Variants in TDRD5 observed in about 807,000 individuals in gnomAD.
TDRD5 encodes the protein tudor domain containing 5, also known as tudor domain-containing protein 5.
TDRD5 carries 41 observed loss-of-function variants against 120.6 expected under a neutral mutation model. That is an observed-to-expected ratio of 0.34 (90% confidence interval 0.26 to 0.44). The LOEUF is 0.44. TDRD5 is among the 20% of genes least tolerant of loss of function. The probability of loss-of-function intolerance (pLI) is 1.00; values close to 1 mark genes in which losing one functional copy is unlikely to be tolerated. For synonymous variants in TDRD5, 430 were observed against 433.7 expected (o/e 0.99, Z 0.11); for missense variants, 1,006 against 1,221.2 (o/e 0.82, Z 2.63).
chr1:179,634,605 T>C lies in TDRD5; in HGVS notation c.1275T>C (p.Asn425=). 1.2e-6 allele frequency: 2 copies of C among 1,613,298 alleles called. No homozygotes were observed. Among genetic ancestry groups the C allele is most frequent in the Non-Finnish European group, 1.7e-6 (2 of 1,179,792 alleles). Residue 425 remains asparagine (N), a synonymous_variant, in exon 8 of 18, where the codon AAT becomes AAC. Transcript: ENST00000444136. ...AACAGAAGATTTGCAAGAAGCCTAA[T>C]CTGGTGGTAAAGCCTTTACAGCTGG... ...EPQQKICKKP[N]LVVKPLQLQV... is the part of the protein sequence containing the mutation.
chr1:179,633,996 C>G (rs144150001), intron 7 of TDRD5, among the ~76,000 whole-genome samples: 1 of 151,654 alleles, frequency 6.6e-6, no homozygotes, highest in Admixed American at 6.6e-5. Flanking sequence ...ACAGTGAAAC[C>G]CTGTCTCTAC....
intron 16 of TDRD5, among the ~76,000 whole-genome samples, 154 bp from the exon 17 acceptor site, chr1:179,669,040 G>A (rs1022226146): frequency 4.6e-5 from 7 of 151,826 alleles, no homozygotes; most frequent in African/African-American, 7.3e-5. Flanking sequence ...CACCGCGCCC[G>A]GCTGAGAGTA....
chr1:179,602,727 T>C (rs150816167), intron 4 of TDRD5, among the ~76,000 whole-genome samples: 5,236 of 152,316 alleles, frequency 0.034, 115 homozygotes, highest in South Asian at 0.067. Context: ...TTCTGTTCCA[T>C]TGGTCTATGT....
chr1:179,669,764 T>C lies in TDRD5; in HGVS notation c.2860+360T>C, dbSNP rs375887254. On this transcript the variant is annotated intron_variant, in intron 17 of 17. Coordinates refer to ENST00000444136, the MANE Select transcript of TDRD5 (RefSeq NM_001199085.3). The stretch of plus-strand genomic sequence containing the variant: ...GCCTGAAAAGTTTCCTTGTGCCCCT[T>C]TGCAGTCAGTCCCATTGCCTACTTG... Among the ~76,000 whole-genome samples, 5 of 152,204 alleles carry C rather than the reference T, an allele frequency of 3.3e-5. No individual in the cohort carries two copies. The East Asian group carries it at 5.8e-4, about 18-fold the overall frequency.
chr1:179,617,521 G>A (rs370509402), intron 4 of TDRD5, among the ~76,000 whole-genome samples: 1 of 152,040 alleles, frequency 6.6e-6, no homozygotes, highest in East Asian at 1.9e-4. Flanking sequence ...AGAGAAGAAA[G>A]ACCAAAAGAA....
At chr1:179,628,633 G>A (rs993224072) in intron 6 of TDRD5, among the ~76,000 whole-genome samples, 7 of 151,746 alleles carry the variant, frequency 4.6e-5, no homozygotes, top group Admixed American at 6.6e-5. Flanking sequence ...GTTCATAGTT[G>A]GGAGCCAATA....
chr1:179,676,406 T>A (rs145879625), intron 17 of TDRD5, among the ~76,000 whole-genome samples: 1 of 152,212 alleles, frequency 6.6e-6, no homozygotes, highest in African/African-American at 2.4e-5. Context: ...ATTTGTTGCC[T>A]GAATACCTTG....
intron 17 of TDRD5, among the ~76,000 whole-genome samples, chr1:179,686,570 G>A (rs1055861501): frequency 1.3e-5 from 2 of 152,194 alleles, no homozygotes; most frequent in African/African-American, 4.8e-5. Context: ...ATGAGTTGGG[G>A]AGGATTCCCT....
At chr1:179,643,504 G>A (rs531840586) in intron 11 of TDRD5, among the ~76,000 whole-genome samples, 27 of 152,250 alleles carry the variant, frequency 1.8e-4, no homozygotes, top group African/African-American at 5.3e-4. Flanking sequence ...AATTTCTGCA[G>A]AAAGAAACTA....
At chr1:179,609,917 T>A (rs192782657) in intron 4 of TDRD5, among the ~76,000 whole-genome samples, 1 of 152,248 alleles carries the variant, frequency 6.6e-6, no homozygotes, top group Admixed American at 6.5e-5. Context: ...ATCCTGCAAA[T>A]TTTAGCATCC....
intron 17 of TDRD5, among the ~76,000 whole-genome samples, chr1:179,685,355 G>A (rs1168813655): frequency 6.6e-6 from 1 of 152,250 alleles, no homozygotes; most frequent in African/African-American, 2.4e-5. Flanking sequence ...GATGGTTATA[G>A]ATGTGTGGTA....
At chr1:179,626,604 C>G (rs1042821820) in intron 6 of TDRD5, among the ~76,000 whole-genome samples, 3 of 152,080 alleles carry the variant, frequency 2.0e-5, no homozygotes, top group Admixed American at 6.6e-5. Flanking sequence ...GGGGTAAAGG[C>G]TACTGATGTG....
intron 9 of TDRD5, among the ~76,000 whole-genome samples, chr1:179,637,713 T>TG (rs1553327515): frequency 2.0e-4 from 14 of 69,936 alleles, no homozygotes; most frequent in African/African-American, 4.6e-4. Flanking sequence ...AGGCCCTGTC[T>TG]GGGGGAAAAA....
chr1:179,623,625 CTTT>C (rs11428251), intron 6 of TDRD5, among the ~76,000 whole-genome samples: 2 of 97,898 alleles, frequency 2.0e-5, no homozygotes, highest in African/African-American at 3.6e-5. Context: ...CCAACTCATT[CTTT>C]TTTTTTTTTT....
At chr1:179,601,547 G>C (rs1675713844) in intron 4 of TDRD5, among the ~76,000 whole-genome samples, 2 of 152,218 alleles carry the variant, frequency 1.3e-5, no homozygotes, top group African/African-American at 4.8e-5. Context: ...ACTTCACTCA[G>C]AATAATAGTC....
intron 11 of TDRD5, among the ~76,000 whole-genome samples, chr1:179,648,688 C>T (rs1211278584): frequency 6.6e-6 from 1 of 150,926 alleles, no homozygotes; most frequent in East Asian, 1.9e-4. Flanking sequence ...GTTTTTTAGT[C>T]AAACTTCCTA....
At chr1:179,666,500 T>C (rs1373733427) in intron 16 of TDRD5, among the ~76,000 whole-genome samples, 1 of 152,242 alleles carries the variant, frequency 6.6e-6, no homozygotes, top group Non-Finnish European at 1.5e-5. Flanking sequence ...GAAAGTAATC[T>C]TGTGTTCCTT....
intron 17 of TDRD5, among the ~76,000 whole-genome samples, chr1:179,687,103 C>G (rs1458565466): frequency 6.6e-6 from 1 of 152,124 alleles, no homozygotes; most frequent in Non-Finnish European, 1.5e-5. Flanking sequence ...TGTGTTTGCT[C>G]TTGCTTCTCT....
At chr1:179,674,078 T>G (rs1474839795) in intron 17 of TDRD5, among the ~76,000 whole-genome samples, 2 of 152,208 alleles carry the variant, frequency 1.3e-5, no homozygotes, top group Admixed American at 1.3e-4. Context: ...GGACTTCCAG[T>G]ACCATGTTGA....
Sources: allele counts gnomAD v4.1 joint callset (sites outside exome capture counted in the v4.1 genomes callset), GRCh38; gene constraint gnomAD v4.1.1; transcripts MANE v1.5; gene names NCBI Gene and HGNC (gene_info 2026-07-23, HGNC 2026-07-21).